AOPEP: variants seen among roughly 807,000 people sequenced by gnomAD.
AOPEP encodes the protein aminopeptidase O (putative).
A neutral mutation model predicts 98.1 loss-of-function variants in AOPEP; 77 were observed. The ratio of observed to expected loss-of-function variants is 0.78; its 90% CI spans 0.65 to 0.95. The LOEUF is 0.95. AOPEP is among the 40% of genes least tolerant of loss of function. The pLI, the probability that AOPEP is intolerant of heterozygous loss-of-function variation, is 0.00. For missense variants in AOPEP, 1,024 were observed against 1,024.7 expected (o/e 1.00, Z 0.01); for synonymous variants, 346 against 365.3 (o/e 0.95, Z 0.60).
intron 5 of AOPEP, among the ~76,000 whole-genome samples, chr9:94,862,483 C>T (rs1323427157): frequency 6.6e-6 from 1 of 152,212 alleles, no homozygotes; most frequent in African/African-American, 2.4e-5. Context: ...GGCCACACGT[C>T]TGGTTGACCT....
chr9:94,884,497 G>A (rs1043399137), intron 5 of AOPEP, among the ~76,000 whole-genome samples: 5 of 152,124 alleles, frequency 3.3e-5, no homozygotes, highest in Non-Finnish European at 7.4e-5. Context: ...GGAAAGACTT[G>A]GGATATAAAG....
intron 5 of AOPEP, among the ~76,000 whole-genome samples, chr9:94,887,775 G>T (rs934090755): frequency 5.9e-5 from 9 of 152,154 alleles, no homozygotes; most frequent in Non-Finnish European, 1.3e-4. Context: ...GCACAGAGTG[G>T]TGTCAACATA....
At chr9:94,853,585 C>T (rs1409793395) in intron 5 of AOPEP, among the ~76,000 whole-genome samples, 1 of 151,970 alleles carries the variant, frequency 6.6e-6, no homozygotes, top group African/African-American at 2.4e-5. Context: ...CAAAGATAAA[C>T]CTATTGTTTC....
chr9:94,854,777 A>T (rs2043971079), intron 5 of AOPEP, among the ~76,000 whole-genome samples: 1 of 152,220 alleles, frequency 6.6e-6, no homozygotes, highest in African/African-American at 2.4e-5. Context: ...TGTTTACCAT[A>T]ATAAACATGA....
intron 7 of AOPEP, chr9:94,931,816 A>C: frequency 1.3e-6 from 2 of 1,544,406 alleles, no homozygotes; most frequent in South Asian, 2.4e-5. Flanking sequence ...TTCTTCTTAA[A>C]GCACTTTCTC....
chr9:95,005,293 C>A, intron 12 of AOPEP, 73 bp downstream of exon 12: 2 of 836,778 alleles, frequency 2.4e-6, no homozygotes, highest in Non-Finnish European at 3.0e-6. Flanking sequence ...GAGGCCCTGG[C>A]TCTGCGCTGC....
chr9:95,139,190 T>C, the AOPEP span, among the ~76,000 whole-genome samples: 8 of 152,246 alleles, frequency 5.3e-5, no homozygotes, highest in East Asian at 1.4e-3. Context: ...CCGATAAAAA[T>C]GTGCAGCTCT....
chr9:94,962,660 C>T (rs1425861541), intron 9 of AOPEP, among the ~76,000 whole-genome samples: 1 of 151,870 alleles, frequency 6.6e-6, no homozygotes. Flanking sequence ...AAAGTTCTTC[C>T]TTTTCCAGTT....
chr9:94,847,127 T>TACACACACACACACAC (rs57318947), intron 5 of AOPEP, among the ~76,000 whole-genome samples: 160 of 125,090 alleles, frequency 1.3e-3, no homozygotes, highest in East Asian at 0.013. Flanking sequence ...GTTCCCTTTG[T>TACACACACACACACAC]ACACACACAC....
intron 13 of AOPEP, among the ~76,000 whole-genome samples, chr9:95,016,993 A>C (rs904523767): frequency 6.7e-6 from 1 of 148,576 alleles, no homozygotes; most frequent in Non-Finnish European, 1.5e-5. Flanking sequence ...ATTTATAATT[A>C]TATATAATTA....
At chr9:95,131,967 GTTC>G in the AOPEP span, among the ~76,000 whole-genome samples, 3 of 152,170 alleles carry the variant, frequency 2.0e-5, no homozygotes, top group Admixed American at 6.5e-5. Flanking sequence ...TTATTCTTAA[GTTC>G]TTATTAGATA....
intron 11 of AOPEP, among the ~76,000 whole-genome samples, chr9:94,984,566 A>AT (rs1564483151): frequency 6.6e-6 from 1 of 152,216 alleles, no homozygotes; most frequent in Non-Finnish European, 1.5e-5. Context: ...TATTTCATCA[A>AT]TGTTTTTAAA....
chr9:95,096,950 G>GT, the AOPEP span, among the ~76,000 whole-genome samples: 1 of 152,198 alleles, frequency 6.6e-6, no homozygotes, highest in Admixed American at 6.5e-5. Context: ...AGTTACAGCA[G>GT]TACCCTCGGT....
chr9:94,745,144 T>C (rs1196856733), intron 1 of AOPEP, among the ~76,000 whole-genome samples: 1 of 152,204 alleles, frequency 6.6e-6, no homozygotes, highest in African/African-American at 2.4e-5. Flanking sequence ...AGTCACCCTG[T>C]TGTGCTATCA....
chr9:94,831,402 T>C (rs774131571), intron 5 of AOPEP, among the ~76,000 whole-genome samples: 1 of 152,150 alleles, frequency 6.6e-6, no homozygotes, highest in African/African-American at 2.4e-5. Context: ...TGTTCTGTTC[T>C]ATTGGTCTGT....
intron 3 of AOPEP, among the ~76,000 whole-genome samples, chr9:94,791,296 A>G (rs1289791981): frequency 6.6e-6 from 1 of 152,162 alleles, no homozygotes; most frequent in Non-Finnish European, 1.5e-5. Context: ...CACTGAGTAC[A>G]CATGGATACA....
In AOPEP at chr9:95,041,308, T is replaced by C. The variant is rs2065268587; in HGVS notation, c.2116-19386T>C. ...TGTAGGAAATGGCCTTATGAGAAGA[T>C]GGATTTGTGCTAGAAAAATTGAGAA... On this transcript the variant is annotated intron_variant, in intron 13 of 16. Coordinates refer to ENST00000375315, the MANE Select transcript of AOPEP (RefSeq NM_001193329.3). 2.0e-5 allele frequency among the ~76,000 whole-genome samples: 3 copies of C among 151,990 alleles called. No individual in the cohort carries two copies. In the South Asian group the frequency reaches 6.2e-4, roughly 32 times the overall value.
chr9:94,909,088 G>A (rs1449522625), intron 5 of AOPEP, among the ~76,000 whole-genome samples: 1 of 152,068 alleles, frequency 6.6e-6, no homozygotes, highest in African/African-American at 2.4e-5. Context: ...CCTGGTTTGA[G>A]GCTTCGTAAC....
At chr9:94,928,599 C>A in intron 7 of AOPEP, 68 bp downstream of exon 7, 2 of 1,057,844 alleles carry the variant, frequency 1.9e-6, no homozygotes, top group Non-Finnish European at 2.8e-6. Flanking sequence ...ACCTCCCTGC[C>A]AACTGATGAC....
Sources: gnomAD v4.1 joint callset for allele counts (sites outside exome capture counted in the v4.1 genomes callset) on GRCh38, gnomAD v4.1.1 for gene constraint, MANE v1.5 for transcripts, NCBI Gene and HGNC (gene_info 2026-07-23, HGNC 2026-07-21) for gene names.